CYP11A1: variants seen among roughly 807,000 people sequenced by gnomAD.
CYP11A1 encodes the protein cholesterol side-chain cleavage enzyme, mitochondrial.
Under a neutral mutation model 51.9 loss-of-function variants are expected in CYP11A1, and 25 were observed. The observed-to-expected ratio is 0.48, with a 90% CI of 0.35 to 0.67. CYP11A1 has a LOEUF of 0.67. Among genes scored for constraint, CYP11A1 ranks in the 30% least tolerant of loss-of-function variants. CYP11A1 has a pLI of 0.00. For missense variants in CYP11A1, 578 were observed against 680.9 expected (o/e 0.85, Z 1.68); for synonymous variants, 245 against 262.1 (o/e 0.93, Z 0.63).
Position 74,343,805 on chromosome 15 carries a change from G to T in CYP11A1, c.813C>A (p.Asp271Glu). 6.2e-7 allele frequency: 1 copy of T among 1,612,608 alleles called. No homozygotes were observed. The highest frequency in any genetic ancestry group is 8.5e-7 in the Non-Finnish European group (1 of 1,179,924). Residue 271 changes from aspartate (D) to glutamate (E), a missense_variant, in exon 4 of 9, where the codon GAC (aspartate) becomes GAA (glutamate). By Grantham distance (45) the Asp-to-Glu change is conservative (BLOSUM62 2). Coordinates refer to ENST00000268053, the MANE Select transcript of CYP11A1 (RefSeq NM_000781.3). ...AGCCCTCACCTTTACTGAAAATCAC[G>T]TCCCATGCAGCCACATGGTCCTTCC... ...KTWKDHVAAW[D>E]VIFSKADIYT...
chr15:74,348,151 C>A (rs2060640774), intron 1 of CYP11A1, 96 bp from the exon 2 acceptor site: 1 of 1,433,424 alleles, frequency 7.0e-7, no homozygotes, highest in African/African-American at 1.4e-5. Context: ...AACTTGCTGA[C>A]TGTGGGACCT....
At chr15:74,355,875 G>A (rs189828144) in intron 1 of CYP11A1, among the ~76,000 whole-genome samples, 243 of 152,274 alleles carry the variant, frequency 1.6e-3, no homozygotes, top group African/African-American at 5.4e-3. Context: ...ACCCTGAGAC[G>A]CTTTACAGCC....
chr15:74,338,707 T>C lies in CYP11A1; in HGVS notation c.1298A>G (p.Glu433Gly), dbSNP rs1208974096. 6.2e-7 allele frequency: 1 copy of C among 1,614,200 alleles called. No individual in the cohort carries two copies. The highest frequency in any genetic ancestry group is 2.2e-5 in the East Asian group (1 of 44,886). ...GREPTFFFDP[E>G]NFDPTRWLSK... ...CAGCCATCGGGTTGGGTCAAAATTTTCCGGGTCGAAGAAGAAGGTGGGCTC... is the reference window on the plus strand; with the variant it reads ...CAGCCATCGGGTTGGGTCAAAATTTCCCGGGTCGAAGAAGAAGGTGGGCTC... The change falls in exon 8 of 9, where the codon GAA becomes GGA. Residue 433 changes from glutamate to glycine, a missense_variant. Physicochemically the swap from Glu to Gly is moderately conservative, Grantham distance 98. Coordinates refer to ENST00000268053, the MANE Select transcript of CYP11A1 (RefSeq NM_000781.3).
chr15:74,338,264 C>A, intron 8 of CYP11A1, 161 bp from the exon 9 acceptor site: 1 of 839,222 alleles, frequency 1.2e-6, no homozygotes, highest in South Asian at 1.5e-5. Flanking sequence ...CCTGATAATG[C>A]ACCCTTAGTG....
chr15:74,345,191 C>T lies in CYP11A1; in HGVS notation c.478G>A (p.Ala160Thr), dbSNP rs149170405. ...AAAAAGTTCTTGGTGGCCTCTGGAG[C>T]CATCACCTCCTGGTTCAGGGCCACC... is the stretch of plus-strand genomic sequence containing the variant. Reference protein sequence around the residue: ...DRVALNQEVMAPEATKNFLPL... With the variant: ...DRVALNQEVMTPEATKNFLPL... The change falls in exon 3 of 9, where the codon GCT becomes ACT. Residue 160 changes from alanine to threonine, a missense_variant. Transcript: ENST00000268053. This position sits in a 1 kb window ranked among gnomAD's most constrained non-coding sequence, Gnocchi z 4.3. The T allele has an allele frequency of 9.1e-5, 147 of 1,614,102 alleles. No homozygotes were observed. The highest frequency in any genetic ancestry group is 1.2e-4 in the Non-Finnish European group (140 of 1,180,048).
chr15:74,361,619 G>A (rs2060709384), intron 1 of CYP11A1: 1 of 1,175,390 alleles, frequency 8.5e-7, no homozygotes, highest in Non-Finnish European at 1.3e-6. Flanking sequence ...TCTCCTTTGA[G>A]CTGTTTGCAG....
intron 1 of CYP11A1, chr15:74,361,409 A>AAAC (rs372437215): frequency 2.0e-4 from 62 of 309,296 alleles, no homozygotes; most frequent in African/African-American, 1.3e-3. Context: ...AACCCACGTA[A>AAAC]AACAACAACA....
chr15:74,366,460 TTTTA>T (rs45509005), intron 1 of CYP11A1, among the ~76,000 whole-genome samples: 92,470 of 137,448 alleles, frequency 0.67, 33,785 homozygotes, highest in Non-Finnish European at 0.83. Flanking sequence ...ATTTTTTTTA[TTTTA>T]TTTATTTATT....
At chr15:74,346,694 C>T (rs1169537194) in intron 2 of CYP11A1, among the ~76,000 whole-genome samples, 1 of 152,088 alleles carries the variant, frequency 6.6e-6, no homozygotes, top group Admixed American at 6.5e-5. Context: ...CAACCATTTT[C>T]CAAAGTAGTG....
intron 1 of CYP11A1, among the ~76,000 whole-genome samples, chr15:74,351,310 G>C (rs1013198859): frequency 1.3e-5 from 2 of 152,172 alleles, no homozygotes; most frequent in Non-Finnish European, 2.9e-5. Flanking sequence ...CCCCAAAGCG[G>C]GAGGGACTTT....
At position 74,343,982 on chromosome 15, in the gene CYP11A1, G is replaced by A. The variant is rs6160; in HGVS notation, c.636C>T (p.Asn212=). ...TCCCCTGGCGCTCCCCAAAAATGAC[G>A]TTAGTGATGGCTGCAGGGAGAGGAA... ...LFRFAFESIT[N]VIFGERQGML... is the part of the protein sequence containing the mutation. Residue 212 remains asparagine (N), a synonymous_variant, in exon 4 of 9, where the codon AAC becomes AAT. Coordinates refer to ENST00000268053, the MANE Select transcript of CYP11A1 (RefSeq NM_000781.3). 3.0e-5 allele frequency: 48 copies of A among 1,613,940 alleles called. No individual in the cohort carries two copies. The highest frequency in any genetic ancestry group is 3.6e-5 in the Non-Finnish European group (42 of 1,180,008).
At chr15:74,338,522 T>C (rs1448810213) in intron 8 of CYP11A1, 49 bp downstream of exon 8, 1 of 1,589,876 alleles carries the variant, frequency 6.3e-7, no homozygotes, top group Non-Finnish European at 8.6e-7. Flanking sequence ...GTGCCTTCAT[T>C]AGGGCCAGGG....
chr15:74,359,332 C>T (rs2060696260), intron 1 of CYP11A1, among the ~76,000 whole-genome samples: 2 of 152,024 alleles, frequency 1.3e-5, no homozygotes, highest in Admixed American at 1.3e-4. Flanking sequence ...TTTTGCTGCC[C>T]CAACACTTCA....
In CYP11A1 at chr15:74,345,357, CACTCCCACCAG is replaced by C; in HGVS notation, c.426-125_426-115del. 1 of 1,119,162 alleles carries C rather than the reference CACTCCCACCAG, an allele frequency of 8.9e-7. No individual in the cohort carries two copies. Among genetic ancestry groups the C allele is most frequent in the South Asian group, 1.3e-5 (1 of 75,600 alleles). The allele number at this position is 1,119,162 out of a possible 1,614,324, so 69.3% of individuals were successfully genotyped here. A position where few individuals can be genotyped will look rare whatever the true frequency, so the allele number is the denominator to read the frequency against. ...CTGAGTCACAGCTCACAGCATCCAGCACTCCCACCAGGGCCTCTGCCCTCACCTCTCCGAGC... is the reference window on the plus strand; with the variant it reads ...CTGAGTCACAGCTCACAGCATCCAGCGGCCTCTGCCCTCACCTCTCCGAGC... On this transcript the variant is annotated intron_variant, in intron 2 of 8. Transcript: ENST00000268053. The surrounding 1 kb of genome is among the most constrained non-coding windows in gnomAD (Gnocchi z 4.3).
intron 1 of CYP11A1, chr15:74,356,545 T>C (rs1393032679): frequency 6.6e-6 from 1 of 152,252 alleles, no homozygotes; most frequent in Non-Finnish European, 1.5e-5. Context: ...CAAGGGCCTA[T>C]TTCCTTTGCC....
In CYP11A1 at chr15:74,357,870, C is replaced by T. The variant is rs13379977; in HGVS notation, c.269+9447G>A. Reference sequence around the variant, plus strand: ...TCACTCTCTCCAGTTCTCATAACTTCCAAAATCTATTTTCTTCCTCACACC... The same window carrying T: ...TCACTCTCTCCAGTTCTCATAACTTTCAAAATCTATTTTCTTCCTCACACC... On this transcript the variant is annotated intron_variant, in intron 1 of 8. Coordinates refer to ENST00000268053, the MANE Select transcript of CYP11A1 (RefSeq NM_000781.3). 6.0e-3 allele frequency among the ~76,000 whole-genome samples: 916 copies of T among 152,342 alleles called. 18 individuals carry two copies. The highest frequency in any genetic ancestry group is 0.021 in the African/African-American group (888 of 41,576).
In CYP11A1 at chr15:74,360,530, C is replaced by T. The variant is rs987934343; in HGVS notation, c.269+6787G>A. ...TGAACTCCTGACCTCATGATCCACCCGCCTCGGCCTCCCAAAGTGCTGGGA... is the reference window on the plus strand; with the variant it reads ...TGAACTCCTGACCTCATGATCCACCTGCCTCGGCCTCCCAAAGTGCTGGGA... On this transcript the variant is annotated intron_variant, in intron 1 of 8. Transcript: ENST00000268053. 2.6e-5 allele frequency among the ~76,000 whole-genome samples: 4 copies of T among 151,716 alleles called. 1 individual carries two copies. The highest frequency in any genetic ancestry group is 5.9e-5 in the Non-Finnish European group (4 of 67,876).
At position 74,353,717 on chromosome 15, in the gene CYP11A1, G is replaced by C. The variant is rs528553306; in HGVS notation, c.270-5662C>G. 2.2e-4 allele frequency among the ~76,000 whole-genome samples: 34 copies of C among 152,128 alleles called. No homozygotes were observed. The South Asian group carries it at 6.4e-3, about 29-fold the overall frequency. On this transcript the variant is annotated intron_variant, in intron 1 of 8. Coordinates refer to ENST00000268053, the MANE Select transcript of CYP11A1 (RefSeq NM_000781.3). ...GTTGGTTTCCTGCTTATTTGTTTTT[G>C]CTTCTAGTTTTCATTTGTTTGCCAT...
At position 74,343,815 on chromosome 15, in the gene CYP11A1, G is replaced by A; in HGVS notation, c.803C>T (p.Ala268Val). The change falls in exon 4 of 9, where the codon GCT (alanine) becomes GTT (valine). Residue 268 changes from alanine to valine, a missense_variant. Transcript: ENST00000268053. Reference protein sequence around the residue: ...FRTKTWKDHVAAWDVIFSKAD... With the variant: ...FRTKTWKDHVVAWDVIFSKAD... ...TTTACTGAAAATCACGTCCCATGCAGCCACATGGTCCTTCCAGGTCTTGGT... is the reference window on the plus strand; with the variant it reads ...TTTACTGAAAATCACGTCCCATGCAACCACATGGTCCTTCCAGGTCTTGGT... The A allele has an allele frequency of 6.2e-7, 1 of 1,613,026 alleles. No homozygotes were observed. The highest frequency in any genetic ancestry group is 8.5e-7 in the Non-Finnish European group (1 of 1,180,008).
Sources: allele counts gnomAD v4.1 joint callset (sites outside exome capture counted in the v4.1 genomes callset), GRCh38; gene constraint gnomAD v4.1.1; non-coding constraint Gnocchi (gnomAD v3.1); transcripts MANE v1.5; gene names NCBI Gene and HGNC (gene_info 2026-07-23, HGNC 2026-07-21).